CLSTN2: variants seen among roughly 807,000 people sequenced by gnomAD.
The protein encoded by CLSTN2 is calsyntenin-2.
A neutral mutation model predicts 101.2 loss-of-function variants in CLSTN2; 48 were observed. The ratio of observed to expected loss-of-function variants is 0.47; its 90% CI spans 0.38 to 0.60. CLSTN2 has a LOEUF of 0.60. Ranked by LOEUF, CLSTN2 falls within the 20% of genes least tolerant of loss-of-function variation. The pLI, the probability that CLSTN2 is intolerant of heterozygous loss-of-function variation, is 0.00. For missense variants in CLSTN2, 1,160 were observed against 1,238.2 expected, an observed-to-expected ratio of 0.94 and a Z score of 0.95; for synonymous variants, 481 against 463.6, an observed-to-expected ratio of 1.04 and a Z score of -0.48.
intron 2 of CLSTN2, among the ~76,000 whole-genome samples, chr3:140,361,292 A>C: frequency 6.6e-6 from 1 of 152,230 alleles, no homozygotes. Context: ...AAAGGATGCG[A>C]AGAAATTCAA....
At chr3:140,275,332 G>A (rs2086783542) in intron 2 of CLSTN2, among the ~76,000 whole-genome samples, 1 of 151,682 alleles carries the variant, frequency 6.6e-6, no homozygotes, top group South Asian at 2.1e-4. Context: ...GATTGCAGCA[G>A]CACACTCAGA....
chr3:140,032,644 CT>C (rs1449222191), intron 1 of CLSTN2, among the ~76,000 whole-genome samples: 1 of 152,108 alleles, frequency 6.6e-6, no homozygotes, highest in Non-Finnish European at 1.5e-5. Flanking sequence ...GCCACAAGTA[CT>C]TTTTTCTGGG....
intron 5 of CLSTN2, among the ~76,000 whole-genome samples, chr3:140,432,973 A>G (rs2107999156): frequency 6.6e-6 from 1 of 152,322 alleles, no homozygotes; most frequent in Admixed American, 6.5e-5. Flanking sequence ...TTCCCATTTT[A>G]CAGATGAGAT....
At chr3:140,309,696 A>C (rs2087146621) in intron 2 of CLSTN2, among the ~76,000 whole-genome samples, 2 of 152,002 alleles carry the variant, frequency 1.3e-5, no homozygotes, top group South Asian at 4.1e-4. Context: ...CAGCCACAAG[A>C]GTCACCCCCA....
intron 2 of CLSTN2, among the ~76,000 whole-genome samples, chr3:140,328,178 C>A (rs960172354): frequency 6.6e-6 from 1 of 152,234 alleles, no homozygotes; most frequent in Non-Finnish European, 1.5e-5. Flanking sequence ...CTGCTCCCAA[C>A]CAAACCAGGG....
chr3:140,147,278 G>C (rs937108489), intron 1 of CLSTN2, among the ~76,000 whole-genome samples: 1 of 152,234 alleles, frequency 6.6e-6, no homozygotes, highest in Non-Finnish European at 1.5e-5. Context: ...AGGCTTCAAA[G>C]ATGACCTTCT....
At chr3:140,113,912 G>A (rs1250878882) in intron 1 of CLSTN2, among the ~76,000 whole-genome samples, 1 of 152,216 alleles carries the variant, frequency 6.6e-6, no homozygotes, top group Admixed American at 6.5e-5. Context: ...GTGATATGTA[G>A]TGTGGGAAGT....
At chr3:140,521,411 C>G (rs57420160) in intron 8 of CLSTN2, among the ~76,000 whole-genome samples, 2,780 of 152,202 alleles carry the variant, frequency 0.018, 90 homozygotes, top group African/African-American at 0.064. Flanking sequence ...TGCTCCAGAC[C>G]CTAGTTGCCT....
At chr3:140,147,975 A>G (rs2009806258) in intron 1 of CLSTN2, among the ~76,000 whole-genome samples, 1 of 152,200 alleles carries the variant, frequency 6.6e-6, no homozygotes, top group African/African-American at 2.4e-5. Context: ...AGGTAAAACC[A>G]GGGGGGATGC....
intron 4 of CLSTN2, among the ~76,000 whole-genome samples, chr3:140,407,250 T>C (rs2088314386): frequency 6.6e-6 from 1 of 152,212 alleles, no homozygotes; most frequent in Non-Finnish European, 1.5e-5. Flanking sequence ...AAAGTGCTTC[T>C]GAATTTAGAG....
intron 12 of CLSTN2, among the ~76,000 whole-genome samples, chr3:140,559,989 G>A (rs1935877065): frequency 6.6e-6 from 1 of 152,206 alleles, no homozygotes. Context: ...AAATCAGAGA[G>A]AAATAAAGAA....
chr3:140,564,276 C>T, intron 16 of CLSTN2, 131 bp downstream of exon 16: 1 of 720,564 alleles, frequency 1.4e-6, no homozygotes, highest in Non-Finnish European at 2.3e-6. Context: ...TCCAGCTCCA[C>T]TGATTCTTCC....
chr3:140,563,004 C>T (rs1935950338), intron 14 of CLSTN2, 48 bp downstream of exon 14: 3 of 1,611,980 alleles, frequency 1.9e-6, no homozygotes, highest in Non-Finnish European at 2.5e-6. Flanking sequence ...CACCCATTCC[C>T]TCATTCATTC....
At chr3:140,194,798 A>T (rs1228193275) in intron 2 of CLSTN2, among the ~76,000 whole-genome samples, 1 of 152,152 alleles carries the variant, frequency 6.6e-6, no homozygotes, top group Admixed American at 6.5e-5. Flanking sequence ...CCAGCTTCTC[A>T]TATGGTATCC....
intron 2 of CLSTN2, among the ~76,000 whole-genome samples, chr3:140,193,261 GTTTTTTTTT>G (rs367933711): frequency 1.1e-5 from 1 of 87,444 alleles, no homozygotes; most frequent in Non-Finnish European, 2.3e-5. Flanking sequence ...CTTTTTTATA[GTTTTTTTTT>G]TTTTTTTTTT....
Position 140,090,107 on chromosome 3 carries a change from G to A in CLSTN2, c.110-85844G>A, listed in dbSNP as rs2008751807. Among the ~76,000 whole-genome samples, 3 of 150,080 alleles carry A rather than the reference G, an allele frequency of 2.0e-5. No individual in the cohort carries two copies. The South Asian group carries it at 6.5e-4, about 33-fold the overall frequency. The stretch of plus-strand genomic sequence containing the variant: ...GGTGGAGCTGGAATGTCTCTGGATG[G>A]AGGGGAGGTTATCTTGGGGCTGATA... On this transcript the variant is annotated intron_variant, in intron 1 of 16. Coordinates refer to ENST00000458420, the MANE Select transcript of CLSTN2 (RefSeq NM_022131.3).
chr3:140,537,119 G>A (rs548005574), intron 9 of CLSTN2, among the ~76,000 whole-genome samples: 39 of 152,244 alleles, frequency 2.6e-4, no homozygotes, highest in African/African-American at 7.7e-4. Context: ...ATTGCCTTTG[G>A]GCTTGCAGTT....
intron 5 of CLSTN2, among the ~76,000 whole-genome samples, chr3:140,432,771 G>C (rs2088647402): frequency 6.6e-6 from 1 of 152,112 alleles, no homozygotes; most frequent in Non-Finnish European, 1.5e-5. Context: ...AGGTTTTCTA[G>C]GTCCAATAAC....
chr3:139,996,058 C>T (rs895976978), intron 1 of CLSTN2, among the ~76,000 whole-genome samples: 1 of 152,220 alleles, frequency 6.6e-6, no homozygotes, highest in African/African-American at 2.4e-5. Flanking sequence ...TCCCATCTAT[C>T]TTCCTCTTGT....
Sources: allele counts gnomAD v4.1 joint callset (sites outside exome capture counted in the v4.1 genomes callset), GRCh38; gene constraint gnomAD v4.1.1; transcripts MANE v1.5; gene names NCBI Gene and HGNC (gene_info 2026-07-23, HGNC 2026-07-21).